Variants in ADAMTS18 observed in about 807,000 individuals in gnomAD.
ADAMTS18 encodes the protein A disintegrin and metalloproteinase with thrombospondin motifs 18.
A neutral mutation model predicts 165.9 loss-of-function variants in ADAMTS18; 157 were observed. The ratio of observed to expected loss-of-function variants is 0.95; its 90% CI spans 0.83 to 1.08. The LOEUF (loss-of-function observed/expected upper bound fraction) is 1.08, where lower values mean the gene tolerates loss of function less well. Among genes scored for constraint, ADAMTS18 ranks in the 50% least tolerant of loss-of-function variants. The pLI, the probability that ADAMTS18 is intolerant of heterozygous loss-of-function variation, is 0.00. For synonymous variants in ADAMTS18, 782 were observed against 578.2 expected (o/e 1.35, Z -5.06); for missense variants, 2,040 against 1,534.0 (o/e 1.33, Z -5.51).
chr16:77,351,342 C>T (rs2056552938), intron 10 of ADAMTS18, among the ~76,000 whole-genome samples: 1 of 152,122 alleles, frequency 6.6e-6, no homozygotes, highest in Non-Finnish European at 1.5e-5. Context: ...TTTCTCTTTG[C>T]TCTGCTTCCC....
At chr16:77,296,042 A>G (rs1198417705) in intron 18 of ADAMTS18, among the ~76,000 whole-genome samples, 1 of 152,068 alleles carries the variant, frequency 6.6e-6, no homozygotes, top group Non-Finnish European at 1.5e-5. Flanking sequence ...ACACACATAT[A>G]CGCACATCTT....
chr16:77,288,445 G>C lies in ADAMTS18; in HGVS notation c.3550+819C>G, dbSNP rs145268641. ...AAGATTCTTTAGCACGAGGCAAGCA[G>C]ATTAGGCTGAAAGATATTTCCTGGC... On this transcript the variant is annotated intron_variant, in intron 22 of 22. Transcript: ENST00000282849. Among the ~76,000 whole-genome samples, 250 of 151,956 alleles carry C rather than the reference G, an allele frequency of 1.6e-3. 1 individual carries two copies. The highest frequency in any genetic ancestry group is 5.9e-3 in the African/African-American group (243 of 41,452).
chr16:77,311,720 TGAA>T (rs2055784471), intron 16 of ADAMTS18, among the ~76,000 whole-genome samples: 3 of 147,978 alleles, frequency 2.0e-5, no homozygotes, highest in African/African-American at 2.5e-5. Context: ...TTTTTTGCTT[TGAA>T]TATATTTGCA....
At chr16:77,293,596 C>A (rs928231779) in intron 19 of ADAMTS18, among the ~76,000 whole-genome samples, 2 of 151,888 alleles carry the variant, frequency 1.3e-5, no homozygotes, top group African/African-American at 4.8e-5. Flanking sequence ...AATATTCTCT[C>A]TCCCTCCTGA....
chr16:77,396,998 A>T (rs2144801707), intron 3 of ADAMTS18, among the ~76,000 whole-genome samples: 1 of 151,942 alleles, frequency 6.6e-6, no homozygotes, highest in African/African-American at 2.4e-5. Flanking sequence ...TAGTAGAGCT[A>T]AGGTTTCACC....
chr16:77,324,362 A>AGTGATG (rs549653912), intron 13 of ADAMTS18, among the ~76,000 whole-genome samples: 164 of 152,340 alleles, frequency 1.1e-3, no homozygotes, highest in African/African-American at 3.8e-3. Flanking sequence ...GAATGCCTCT[A>AGTGATG]GTGATGGGGA....
intron 3 of ADAMTS18, among the ~76,000 whole-genome samples, chr16:77,409,842 A>T (rs527910143): frequency 2.8e-4 from 42 of 152,314 alleles, no homozygotes; most frequent in African/African-American, 9.6e-4. Flanking sequence ...GCACCAATGT[A>T]TAGAGACGTT....
At chr16:77,386,955 C>T (rs2057116284) in intron 3 of ADAMTS18, among the ~76,000 whole-genome samples, 1 of 152,226 alleles carries the variant, frequency 6.6e-6, no homozygotes, top group African/African-American at 2.4e-5. Context: ...AATGGGTAAA[C>T]ACTTCTGTTG....
chr16:77,316,756 G>A (rs1449109766), intron 16 of ADAMTS18, among the ~76,000 whole-genome samples: 1 of 152,026 alleles, frequency 6.6e-6, no homozygotes, highest in African/African-American at 2.4e-5. Context: ...TGCAGCCTCT[G>A]CCTCCCAAGC....
chr16:77,384,459 C>T (rs771940930), intron 3 of ADAMTS18, among the ~76,000 whole-genome samples: 2 of 152,104 alleles, frequency 1.3e-5, no homozygotes, highest in East Asian at 1.9e-4. Context: ...AAGGTACTGG[C>T]GTGACACTCA....
intron 13 of ADAMTS18, among the ~76,000 whole-genome samples, chr16:77,324,852 C>G (rs1567482963): frequency 6.6e-6 from 1 of 152,328 alleles, no homozygotes; most frequent in East Asian, 1.9e-4. Flanking sequence ...ATAGGTACCT[C>G]ATTACTTCCT....
intron 9 of ADAMTS18, among the ~76,000 whole-genome samples, 159 bp from the exon 10 acceptor site, chr16:77,354,045 G>A (rs574408074): frequency 2.0e-5 from 3 of 152,192 alleles, no homozygotes; most frequent in Non-Finnish European, 4.4e-5. Context: ...GCCAAAGAGT[G>A]AGTCCTGTCT....
rs1369254094 is a variant in ADAMTS18 at position 77,326,038 on chromosome 16, C to T, written c.1860G>A (p.Lys620=). ...GACAGAATAAGCCACCATACTGAGGCCTGAAAATGAAATTAATGAACTTTA... is the reference window on the plus strand; with the variant it reads ...GACAGAATAAGCCACCATACTGAGGTCTGAAAATGAAATTAATGAACTTTA... ...KFQERHCNNP[K]PQYGGLFCPG... Residue 620 remains lysine (K), a splice_region_variant and synonymous_variant, in exon 13 of 23, where the codon AAG becomes AAA. Coordinates refer to ENST00000282849, the MANE Select transcript of ADAMTS18 (RefSeq NM_199355.4). 1 of 1,613,424 alleles carries T rather than the reference C, an allele frequency of 6.2e-7. No homozygotes were observed. Among genetic ancestry groups the T allele is most frequent in the Admixed American group, 1.7e-5 (1 of 59,980 alleles).
chr16:77,344,120 T>A (rs2056439799), intron 10 of ADAMTS18, among the ~76,000 whole-genome samples: 1 of 146,796 alleles, frequency 6.8e-6, no homozygotes, highest in South Asian at 2.2e-4. Context: ...TATATATATA[T>A]GTATGTATAC....
At position 77,294,962 on chromosome 16, in the gene ADAMTS18, A is replaced by G. The variant is rs745888861; in HGVS notation, c.2967T>C (p.His989=). The change falls in exon 19 of 23, where the codon CAT becomes CAC. Residue 989 remains histidine, a synonymous_variant. Coordinates refer to ENST00000282849, the MANE Select transcript of ADAMTS18 (RefSeq NM_199355.4). ...TPTQVQACNS[H]ACPPQWSLGP... is the part of the protein sequence containing the mutation. Reference sequence around the variant, plus strand: ...CAAGGCTCCATTGTGGAGGGCAGGCATGGCTGTTGCAGGCTTGGACCTGAG... The same window carrying G: ...CAAGGCTCCATTGTGGAGGGCAGGCGTGGCTGTTGCAGGCTTGGACCTGAG... 2 of 1,614,042 alleles carry G rather than the reference A, an allele frequency of 1.2e-6. No individual in the cohort carries two copies. The highest frequency in any genetic ancestry group is 1.7e-5 in the Admixed American group (1 of 59,994).
intron 3 of ADAMTS18, among the ~76,000 whole-genome samples, chr16:77,395,304 G>C (rs1325400607): frequency 6.6e-6 from 1 of 152,168 alleles, no homozygotes; most frequent in Non-Finnish European, 1.5e-5. Context: ...CTTAGGACTG[G>C]CCTCTGAAAA....
chr16:77,431,786 A>T (rs1460777848), intron 2 of ADAMTS18, 175 bp from the exon 3 acceptor site: 3 of 695,370 alleles, frequency 4.3e-6, no homozygotes, highest in Non-Finnish European at 5.0e-6. Flanking sequence ...CTGTCTCTAC[A>T]ACTAACTCGG....
chr16:77,338,850 A>G (rs188715669), intron 11 of ADAMTS18, among the ~76,000 whole-genome samples: 1,520 of 150,986 alleles, frequency 0.01, 28 homozygotes, highest in African/African-American at 0.035. Flanking sequence ...GCTACTCGGG[A>G]GGCTGAGGCA....
At chr16:77,361,515 T>TG (rs1232004974) in intron 7 of ADAMTS18, among the ~76,000 whole-genome samples, 2 of 152,214 alleles carry the variant, frequency 1.3e-5, no homozygotes, top group African/African-American at 4.8e-5. Context: ...GTGGTCATGA[T>TG]GCTTACAGAA....
Sources: allele counts gnomAD v4.1 joint callset (sites outside exome capture counted in the v4.1 genomes callset), GRCh38; gene constraint gnomAD v4.1.1; transcripts MANE v1.5; gene names NCBI Gene and HGNC (gene_info 2026-07-23, HGNC 2026-07-21).